The following TTC7B variants were observed in gnomAD, a reference collection of about 807,000 sequenced individuals.
TTC7B encodes tetratricopeptide repeat domain 7B.
A neutral mutation model predicts 106.8 loss-of-function variants in TTC7B; 28 were observed. That is an observed-to-expected ratio of 0.26 (90% confidence interval 0.19 to 0.36). TTC7B has a LOEUF of 0.36. TTC7B is among the 10% of genes least tolerant of loss of function. The pLI is 1.00. For synonymous variants in TTC7B, 405 were observed against 430.6 expected (o/e 0.94, Z 0.74); for missense variants, 862 against 1,076.4 (o/e 0.80, Z 2.79).
rs767434716 is a variant in TTC7B at position 90,604,486 on chromosome 14, G to C, written c.1966+6256C>G. Among the ~76,000 whole-genome samples the C allele has an allele frequency of 6.6e-5, 10 of 152,308 alleles. No individual in the cohort carries two copies. The South Asian group carries it at 1.5e-3, about 22-fold the overall frequency. ...ATGGTTTATTTTGAATGGTAATCTA[G>C]TTTCTGCCCTGGCTTTGTGTGTGTG... On this transcript the variant is annotated intron_variant, in intron 17 of 19. Transcript: ENST00000328459.
At chr14:90,748,428 A>G (rs1039239051) in intron 3 of TTC7B, among the ~76,000 whole-genome samples, 2 of 152,134 alleles carry the variant, frequency 1.3e-5, no homozygotes, top group East Asian at 1.9e-4. Flanking sequence ...TCCTGGGTTC[A>G]AGCGATTCTC....
chr14:90,603,833 C>G (rs970686464), intron 17 of TTC7B, among the ~76,000 whole-genome samples: 1 of 152,160 alleles, frequency 6.6e-6, no homozygotes. Flanking sequence ...TGTTTTCCCC[C>G]CTCTAACTAA....
chr14:90,709,302 A>G (rs1888338949), intron 5 of TTC7B, among the ~76,000 whole-genome samples: 1 of 151,438 alleles, frequency 6.6e-6, no homozygotes. Flanking sequence ...TCCAACAATG[A>G]TAGACTGGAT....
At chr14:90,700,228 G>A (rs755413575) in intron 5 of TTC7B, among the ~76,000 whole-genome samples, 11 of 152,192 alleles carry the variant, frequency 7.2e-5, no homozygotes, top group East Asian at 1.9e-4. Flanking sequence ...AGAGAGCTAC[G>A]TGGATAATGG....
intron 19 of TTC7B, among the ~76,000 whole-genome samples, chr14:90,560,123 C>T (rs769219269): frequency 9.8e-5 from 15 of 152,354 alleles, no homozygotes; most frequent in South Asian, 2.1e-4. Flanking sequence ...ACTCTGCTCC[C>T]GTCTCCTGTG....
Position 90,655,016 on chromosome 14 carries a change from G to A in TTC7B, c.1436C>T (p.Thr479Met). 1.9e-6 allele frequency: 3 copies of A among 1,614,088 alleles called. No individual in the cohort carries two copies. The highest frequency in any genetic ancestry group is 2.5e-6 in the Non-Finnish European group (3 of 1,179,900). ...KAKGYLALGL[T>M]YSLQATDASL... ...ACCGTCAGTGGCCTGCAGACTGTACGTGAGCCCCAGAGCTAAGTAGCCTTT... is the reference window on the plus strand; with the variant it reads ...ACCGTCAGTGGCCTGCAGACTGTACATGAGCCCCAGAGCTAAGTAGCCTTT... The change falls in exon 12 of 20, where the codon ACG becomes ATG. Residue 479 changes from threonine (T) to methionine (M), a missense_variant. Transcript: ENST00000328459.
chr14:90,805,899 T>C lies in TTC7B; in HGVS notation c.121+10276A>G, dbSNP rs1429000933. Among the ~76,000 whole-genome samples the C allele has an allele frequency of 6.6e-6, 1 of 152,236 alleles. No individual in the cohort carries two copies. The highest frequency in any genetic ancestry group is 1.5e-5 in the Non-Finnish European group (1 of 68,030). On this transcript the variant is annotated intron_variant, in intron 1 of 19. Coordinates refer to ENST00000328459, the MANE Select transcript of TTC7B (RefSeq NM_001010854.2). The surrounding 1 kb of genome is among the most constrained non-coding windows in gnomAD (Gnocchi z 4.0). ...TGATCCCCCGGGGAAGGTGGGGCTG[T>C]GGCCTTTGCCTCTGGAAGGGACTGC... is the stretch of plus-strand genomic sequence containing the variant.
chr14:90,594,628 T>C (rs897312954), intron 17 of TTC7B, among the ~76,000 whole-genome samples: 6 of 152,212 alleles, frequency 3.9e-5, no homozygotes, highest in African/African-American at 1.4e-4. Flanking sequence ...AAAAGTTTAG[T>C]ATGGAGATAA....
chr14:90,786,683 G>A (rs1467007669), intron 1 of TTC7B, among the ~76,000 whole-genome samples: 6 of 152,000 alleles, frequency 3.9e-5, no homozygotes, highest in African/African-American at 9.7e-5. Flanking sequence ...GGGTTCAAGC[G>A]ATTCTCCTGC....
chr14:90,659,338 T>C (rs926453307), intron 9 of TTC7B, among the ~76,000 whole-genome samples: 12 of 151,822 alleles, frequency 7.9e-5, no homozygotes, highest in Admixed American at 7.9e-4. Context: ...GAAGCTGTCA[T>C]GAATGAGTTT....
At chr14:90,660,201 T>C (rs962264568) in intron 9 of TTC7B, among the ~76,000 whole-genome samples, 1 of 150,916 alleles carries the variant, frequency 6.6e-6, no homozygotes, top group South Asian at 2.1e-4. Flanking sequence ...TAAGGCAACA[T>C]AGCGAGACCC....
At chr14:90,696,248 G>A (rs1197831833) in intron 5 of TTC7B, among the ~76,000 whole-genome samples, 2 of 152,106 alleles carry the variant, frequency 1.3e-5, no homozygotes, top group African/African-American at 4.8e-5. Flanking sequence ...GACACATTTG[G>A]TGACATGTTT....
intron 3 of TTC7B, among the ~76,000 whole-genome samples, chr14:90,747,317 A>C (rs1889998436): frequency 6.6e-6 from 1 of 152,206 alleles, no homozygotes; most frequent in African/African-American, 2.4e-5. Flanking sequence ...GAAAACCAGA[A>C]GCTTGAGCCT....
At chr14:90,610,250 G>A (rs1430332788) in intron 17 of TTC7B, among the ~76,000 whole-genome samples, 2 of 152,234 alleles carry the variant, frequency 1.3e-5, no homozygotes, top group Non-Finnish European at 2.9e-5. Context: ...ACACACACAC[G>A]ACGAGGTGTG....
At chr14:90,801,482 G>T (rs2030266678) in intron 1 of TTC7B, among the ~76,000 whole-genome samples, 1 of 152,172 alleles carries the variant, frequency 6.6e-6, no homozygotes, top group African/African-American at 2.4e-5. Flanking sequence ...GATGAGGAAA[G>T]GAGAGGGTTG....
At chr14:90,631,154 T>C (rs1007552116) in intron 15 of TTC7B, among the ~76,000 whole-genome samples, 1 of 152,192 alleles carries the variant, frequency 6.6e-6, no homozygotes, top group Non-Finnish European at 1.5e-5. Context: ...TTCTTAAGGC[T>C]GAATAAAATA....
chr14:90,598,967 G>A lies in TTC7B; in HGVS notation c.1967-5341C>T, dbSNP rs1892322591. Among the ~76,000 whole-genome samples, 5 of 152,160 alleles carry A rather than the reference G, an allele frequency of 3.3e-5. 1 individual carries two copies. In the South Asian group the frequency reaches 1.0e-3, roughly 32 times the overall value. The stretch of plus-strand genomic sequence containing the variant: ...GTCTGAGACCAGGCTGGCCAACATG[G>A]TGAAACCCTGTCTCTACTAAAAATA... On this transcript the variant is annotated intron_variant, in intron 17 of 19. Transcript: ENST00000328459.
rs966522410 is a variant in TTC7B, at chr14:90,624,113, C to T, written c.1752-6068G>A. On this transcript the variant is annotated intron_variant, in intron 15 of 19. Coordinates refer to ENST00000328459, the MANE Select transcript of TTC7B (RefSeq NM_001010854.2). The surrounding 1 kb of genome is among the most constrained non-coding windows in gnomAD (Gnocchi z 4.0). Reference sequence around the variant, plus strand: ...GTATATGTGTGCATGTGTGTGTGCGCGTGCGCGTGTGTGTGTTTTGTGACT... The same window carrying T: ...GTATATGTGTGCATGTGTGTGTGCGTGTGCGCGTGTGTGTGTTTTGTGACT... Among the ~76,000 whole-genome samples, 10 of 151,540 alleles carry T rather than the reference C, an allele frequency of 6.6e-5. No homozygotes were observed. Among genetic ancestry groups the T allele is most frequent in the East Asian group, 1.9e-4 (1 of 5,184 alleles).
Position 90,608,193 on chromosome 14 carries a change from C to G in TTC7B, c.1966+2549G>C, listed in dbSNP as rs1017427855. On this transcript the variant is annotated intron_variant, in intron 17 of 19. Coordinates refer to ENST00000328459, the MANE Select transcript of TTC7B (RefSeq NM_001010854.2). The surrounding 1 kb of genome is among the most constrained non-coding windows in gnomAD (Gnocchi z 5.1). ...TGGGCTTTATTAATCAAGATGGAGG[C>G]ATTTTTCCCCATTTTTAGGCAAGCC... 6.6e-6 allele frequency among the ~76,000 whole-genome samples: 1 copy of G among 152,166 alleles called. No individual in the cohort carries two copies. The highest frequency in any genetic ancestry group is 1.5e-5 in the Non-Finnish European group (1 of 68,018).
Sources: gnomAD v4.1 joint callset for allele counts (sites outside exome capture counted in the v4.1 genomes callset) on GRCh38, gnomAD v4.1.1 for gene constraint, Gnocchi (gnomAD v3.1) non-coding constraint, MANE v1.5 for transcripts, NCBI Gene and HGNC (gene_info 2026-07-23, HGNC 2026-07-21) for gene names.